Variants in ZKSCAN1 observed in about 807,000 individuals in gnomAD.
The protein encoded by ZKSCAN1 is zinc finger protein with KRAB and SCAN domains 1.
Under a neutral mutation model 51.6 loss-of-function variants are expected in ZKSCAN1, and 14 were observed. The observed-to-expected ratio is 0.27, with a 90% CI of 0.18 to 0.42. The LOEUF is 0.42. ZKSCAN1 is among the 10% of genes least tolerant of loss of function. The pLI is 1.00. For missense variants in ZKSCAN1, 531 were observed against 710.0 expected, an observed-to-expected ratio of 0.75 and a Z score of 2.86; for synonymous variants, 263 against 261.5, an observed-to-expected ratio of 1.01 and a Z score of -0.06.
At chr7:100,042,803 T>C (rs561514918), downstream of ZKSCAN1, among the ~76,000 whole-genome samples, 1 of 149,798 alleles carries the variant, frequency 6.7e-6, no homozygotes, top group East Asian at 2.0e-4. Flanking sequence ...TTGGGTTTTT[T>C]TTTTTTTTTT....
rs1791570358 is a variant in ZKSCAN1, at chr7:100,040,971, T to C, written c.*6774T>C. ...AATCTTGTCCTAAAAATATATGAGT[T>C]TGGGGGTAAGGGGTGGGATAGCCAA... On this transcript the variant is annotated 3_prime_UTR_variant, in exon 6 of 6. Coordinates refer to ENST00000324306, the MANE Select transcript of ZKSCAN1 (RefSeq NM_003439.4). 1.1e-5 allele frequency: 11 copies of C among 985,058 alleles called. No individual in the cohort carries two copies. The highest frequency in any genetic ancestry group is 1.8e-5 in the African/African-American group (1 of 57,132). 61.0% of individuals were successfully genotyped at this position (985,058 alleles called of 1,614,324 possible). A position where few individuals can be genotyped will look rare whatever the true frequency, so the allele number is the denominator to read the frequency against.
chr7:100,031,380 C>A (rs556366092), intron 5 of ZKSCAN1, among the ~76,000 whole-genome samples: 3 of 146,830 alleles, frequency 2.0e-5, no homozygotes, highest in Admixed American at 1.4e-4. Context: ...CAGGCTCAAG[C>A]AATCCTCCCA....
downstream of ZKSCAN1, among the ~76,000 whole-genome samples, chr7:100,042,797 G>GTTTTTTTTTTT (rs1200823549): frequency 8.0e-6 from 1 of 125,178 alleles, no homozygotes; most frequent in Admixed American, 8.3e-5. Flanking sequence ...TAATTTTTGG[G>GTTTTTTTTTTT]TTTTTTTTTT....
intron 1 of ZKSCAN1, among the ~76,000 whole-genome samples, chr7:100,016,021 G>A (rs1584321725): frequency 6.6e-6 from 1 of 152,312 alleles, no homozygotes; most frequent in South Asian, 2.1e-4. Flanking sequence ...CCGCAGTGTC[G>A]TCATCGCCCT....
At chr7:100,043,242 C>A (rs537985423), downstream of ZKSCAN1, among the ~76,000 whole-genome samples, 120 of 151,836 alleles carry the variant, frequency 7.9e-4, no homozygotes, top group African/African-American at 2.5e-3. Context: ...ATTATTTTTT[C>A]TTTTATAGAG....
chr7:100,033,983 A>C lies in ZKSCAN1; in HGVS notation c.1478A>C (p.Glu493Ala). ...HTGEKPYECSECGKAFNRNSY... is the reference protein window; with the variant it reads ...HTGEKPYECSACGKAFNRNSY... The stretch of plus-strand genomic sequence containing the variant: ...GGGGAGAAACCCTATGAATGTAGTG[A>C]ATGTGGAAAAGCTTTCAACCGAAAC... The change falls in exon 6 of 6, where the codon GAA becomes GCA. Residue 493 changes from glutamate (E) to alanine (A), a missense_variant. Around this residue, in one of 2 missense-constraint regions of ZKSCAN1, gnomAD observed 128 missense variants for 219.5 expected, o/e 0.58. Coordinates refer to ENST00000324306, the MANE Select transcript of ZKSCAN1 (RefSeq NM_003439.4). The surrounding 1 kb of genome is among the most constrained non-coding windows in gnomAD (Gnocchi z 4.1). The C allele has an allele frequency of 6.2e-7, 1 of 1,614,178 alleles. No individual in the cohort carries two copies. Among genetic ancestry groups the C allele is most frequent in the Non-Finnish European group, 8.5e-7 (1 of 1,180,024 alleles).
rs4729567 is a variant in ZKSCAN1 at position 100,039,619 on chromosome 7, G to C, written c.*5422G>C. The C allele has an allele frequency of 2.0e-6, 2 of 984,974 alleles. No homozygotes were observed. Among genetic ancestry groups the C allele is most frequent in the Admixed American group, 6.2e-5 (1 of 16,238 alleles). 61.0% of individuals were successfully genotyped at this position (984,974 alleles called of 1,614,324 possible). A position where few individuals can be genotyped will look rare whatever the true frequency, so the allele number is the denominator to read the frequency against. ...TTATTCCAGGTAGTCATGCTGATCTGCTTATCCAAAGCCAGCTAACCAGGT... is the reference window on the plus strand; with the variant it reads ...TTATTCCAGGTAGTCATGCTGATCTCCTTATCCAAAGCCAGCTAACCAGGT... On this transcript the variant is annotated 3_prime_UTR_variant, in exon 6 of 6. Transcript: ENST00000324306.
At position 100,037,013 on chromosome 7, in the gene ZKSCAN1, A is replaced by G. The variant is rs574225308; in HGVS notation, c.*2816A>G. ...TAGGGTTGCTTCGATCTTCAGCCACATGCTGTCCTTGAAGCAGCTATTTGA... is the reference window on the plus strand; with the variant it reads ...TAGGGTTGCTTCGATCTTCAGCCACGTGCTGTCCTTGAAGCAGCTATTTGA... On this transcript the variant is annotated 3_prime_UTR_variant, in exon 6 of 6. Transcript: ENST00000324306. The G allele has an allele frequency of 7.5e-4, 741 of 985,406 alleles. 1 individual carries two copies. Among genetic ancestry groups the G allele is most frequent in the Non-Finnish European group, 8.4e-4 (700 of 829,934 alleles). 61.0% of individuals were successfully genotyped at this position (985,406 alleles called of 1,614,324 possible). A position where few individuals can be genotyped will look rare whatever the true frequency, so the allele number is the denominator to read the frequency against.
At position 100,038,470 on chromosome 7, in the gene ZKSCAN1, T is replaced by C; in HGVS notation, c.*4273T>C. The C allele has an allele frequency of 1.0e-6, 1 of 985,448 alleles. No homozygotes were observed. Among genetic ancestry groups the C allele is most frequent in the Non-Finnish European group, 1.2e-6 (1 of 829,930 alleles). The allele number at this position is 985,448 out of a possible 1,614,324, so 61.0% of individuals were successfully genotyped here. The stretch of plus-strand genomic sequence containing the variant: ...TGGGGCACTGAAATGGAACAACTCC[T>C]TTAAACGTGCAGCCTTTTGAATTTT... On this transcript the variant is annotated 3_prime_UTR_variant, in exon 6 of 6. Transcript: ENST00000324306.
intron 5 of ZKSCAN1, 28 bp downstream of exon 5, chr7:100,030,403 A>G (rs766851031): frequency 3.7e-6 from 6 of 1,603,394 alleles, no homozygotes; most frequent in Non-Finnish European, 5.1e-6. Flanking sequence ...TTACTGTCTG[A>G]TAAGATGGTT....
chr7:100,040,147 AC>A lies in ZKSCAN1; in HGVS notation c.*5951del. On this transcript the variant is annotated 3_prime_UTR_variant, in exon 6 of 6. Transcript: ENST00000324306. ...AGCCATCTCCAACTCTGCAGGTCAA[AC>A]GAAAGTTTGGGAAATACTTTTGACA... 1 of 985,226 alleles carries A rather than the reference AC, an allele frequency of 1.0e-6. No homozygotes were observed. Among genetic ancestry groups the A allele is most frequent in the African/African-American group, 1.7e-5 (1 of 57,350 alleles). The allele number at this position is 985,226 out of a possible 1,614,324, so 61.0% of individuals were successfully genotyped here.
At chr7:100,030,133 T>C in intron 4 of ZKSCAN1, 116 bp from the exon 5 acceptor site, 2 of 1,505,802 alleles carry the variant, frequency 1.3e-6, no homozygotes, top group Non-Finnish European at 1.8e-6. Flanking sequence ...CTGGCCACCC[T>C]TTTCTTCCCA....
At position 100,033,832 on chromosome 7, in the gene ZKSCAN1, A is replaced by G; in HGVS notation, c.1327A>G (p.Ser443Gly). 6.2e-7 allele frequency: 1 copy of G among 1,614,220 alleles called. No individual in the cohort carries two copies. The change falls in exon 6 of 6, where the codon AGC becomes GGC. Residue 443 changes from serine (S) to glycine (G), a missense_variant. Physicochemically the swap from Ser to Gly is moderately conservative, Grantham distance 56 (BLOSUM62 0). Transcript: ENST00000324306. The surrounding 1 kb of genome is among the most constrained non-coding windows in gnomAD (Gnocchi z 4.1). ...HECNECGKAF[S>G]HSSNLILHQR... ...ATGTAACGAGTGTGGCAAGGCCTTCAGCCACAGTTCCAATCTCATCCTCCA... is the reference window on the plus strand; with the variant it reads ...ATGTAACGAGTGTGGCAAGGCCTTCGGCCACAGTTCCAATCTCATCCTCCA...
chr7:100,032,330 C>T (rs1290017665), intron 5 of ZKSCAN1, among the ~76,000 whole-genome samples: 1 of 152,120 alleles, frequency 6.6e-6, no homozygotes, highest in East Asian at 1.9e-4. Context: ...TCTGAAGGCT[C>T]CTGCTTCTCA....
Position 100,041,634 on chromosome 7 carries a change from A to G in ZKSCAN1, c.*7437A>G. ...TGTGGGGATTTGAAATATTCTCTTT[A>G]TGTTGTTTCTCTTCTGAGTCATGGT... On this transcript the variant is annotated 3_prime_UTR_variant, in exon 6 of 6. Transcript: ENST00000324306. The G allele has an allele frequency of 4.1e-6, 4 of 985,294 alleles. No individual in the cohort carries two copies. The highest frequency in any genetic ancestry group is 4.8e-6 in the Non-Finnish European group (4 of 829,838). The allele number at this position is 985,294 out of a possible 1,614,324, so 61.0% of individuals were successfully genotyped here.
In ZKSCAN1 at chr7:100,034,055, A is replaced by G; in HGVS notation, c.1550A>G (p.Tyr517Cys). 1 of 1,614,138 alleles carries G rather than the reference A, an allele frequency of 6.2e-7. No individual in the cohort carries two copies. The highest frequency in any genetic ancestry group is 1.1e-5 in the South Asian group (1 of 91,086). The change falls in exon 6 of 6, where the codon TAC (tyrosine) becomes TGC (cysteine). Residue 517 changes from tyrosine to cysteine, a missense_variant. This residue lies in a region of ZKSCAN1 where 128 missense variants were observed against 219.5 expected (regional missense o/e 0.58). Transcript: ENST00000324306. Reference protein sequence around the residue: ...HRRIHTREKPYKCTKCGKAFT... With the variant: ...HRRIHTREKPCKCTKCGKAFT... ...AGAATTCACACTCGAGAAAAGCCCTACAAGTGCACTAAGTGTGGCAAGGCC... is the reference window on the plus strand; with the variant it reads ...AGAATTCACACTCGAGAAAAGCCCTGCAAGTGCACTAAGTGTGGCAAGGCC...
intron 3 of ZKSCAN1, chr7:100,024,627 C>T (rs374885511): frequency 2.7e-4 from 68 of 251,190 alleles, no homozygotes; most frequent in African/African-American, 1.4e-3. Flanking sequence ...AGGCTCGGCA[C>T]GGTAGCTCAC....
chr7:100,023,791 C>T lies in ZKSCAN1; in HGVS notation c.285C>T (p.Ile95=), dbSNP rs147948669. ...CAGAAATAAACACCAAGGAACAGAT[C>T]CTGGAGCTTCTGGTGCTAGAGCAGT... ...LRPEINTKEQ[I]LELLVLEQFL... Residue 95 remains isoleucine (I), a synonymous_variant, in exon 2 of 6, where the codon ATC becomes ATT. Transcript: ENST00000324306. 19 of 1,614,066 alleles carry T rather than the reference C, an allele frequency of 1.2e-5. No homozygotes were observed. The African/African-American group carries it at 2.4e-4, about 20-fold the overall frequency.
At chr7:100,020,442 T>A (rs762199002) in intron 1 of ZKSCAN1, among the ~76,000 whole-genome samples, 4 of 151,576 alleles carry the variant, frequency 2.6e-5, no homozygotes, top group Non-Finnish European at 5.9e-5. Context: ...GAAAGGTGGA[T>A]TGTGGGAGAG....
Sources: allele counts gnomAD v4.1 joint callset (sites outside exome capture counted in the v4.1 genomes callset), GRCh38; gene constraint gnomAD v4.1.1; regional missense constraint gnomAD v4.1.1; non-coding constraint Gnocchi (gnomAD v3.1); transcripts MANE v1.5; gene names NCBI Gene and HGNC (gene_info 2026-07-23, HGNC 2026-07-21).